Variants in OXSR1 observed in about 807,000 individuals in gnomAD.
OXSR1 encodes serine/threonine-protein kinase OSR1.
A neutral mutation model predicts 79.8 loss-of-function variants in OXSR1; 24 were observed. The ratio of observed to expected loss-of-function variants is 0.30; its 90% confidence interval spans 0.22 to 0.42. The LOEUF (loss-of-function observed/expected upper bound fraction) is 0.42. Among genes scored for constraint, OXSR1 ranks in the 10% least tolerant of loss-of-function variants. The probability of loss-of-function intolerance (pLI) is 1.00; values close to 1 mark genes in which losing one functional copy is unlikely to be tolerated. For synonymous variants in OXSR1, 226 were observed against 209.2 expected (o/e 1.08, Z -0.69); for missense variants, 430 against 618.4 (o/e 0.70, Z 3.23).
intron 12 of OXSR1, among the ~76,000 whole-genome samples, chr3:38,243,532 A>G (rs941790768): frequency 1.3e-5 from 2 of 152,126 alleles, no homozygotes; most frequent in Non-Finnish European, 2.9e-5. Context: ...GGAGAAAGAC[A>G]ATCATTTCTG....
At chr3:38,201,401 A>C (rs1366043232) in intron 4 of OXSR1, among the ~76,000 whole-genome samples, 1 of 151,234 alleles carries the variant, frequency 6.6e-6, no homozygotes, top group Non-Finnish European at 1.5e-5. Context: ...GTCTCTACAA[A>C]AAAATTTTTT....
chr3:38,202,249 G>A (rs1702178413), intron 4 of OXSR1, among the ~76,000 whole-genome samples: 1 of 152,204 alleles, frequency 6.6e-6, no homozygotes, highest in Non-Finnish European at 1.5e-5. Context: ...GTGAACTCAG[G>A]CAGGGATTGT....
chr3:38,230,333 G>A (rs905361349), intron 9 of OXSR1, 32 bp from the exon 10 acceptor site: 1 of 1,433,312 alleles, frequency 7.0e-7, no homozygotes, highest in African/African-American at 1.5e-5. Context: ...TTAAAAACTT[G>A]TAAGAACAAA....
intron 11 of OXSR1, 128 bp downstream of exon 11, chr3:38,237,089 C>A: frequency 2.7e-6 from 2 of 745,204 alleles, no homozygotes; most frequent in Non-Finnish European, 4.2e-6. Context: ...AATAGGAGCC[C>A]AGTTAATTCT....
intron 11 of OXSR1, among the ~76,000 whole-genome samples, chr3:38,240,579 ACCATTCC>A (rs1341132977): frequency 6.6e-6 from 1 of 152,170 alleles, no homozygotes; most frequent in East Asian, 1.9e-4. Context: ...GGTCTCTAAT[ACCATTCC>A]CCACTAAAGG....
chr3:38,229,156 A>T (rs1013677700), intron 8 of OXSR1, among the ~76,000 whole-genome samples: 5 of 152,122 alleles, frequency 3.3e-5, no homozygotes, highest in Non-Finnish European at 5.9e-5. Context: ...TGGGGAATAT[A>T]CTTTTAGAAT....
upstream of OXSR1, among the ~76,000 whole-genome samples, chr3:38,164,810 G>A (rs1701398383): frequency 1.3e-5 from 2 of 152,206 alleles, no homozygotes; most frequent in African/African-American, 4.8e-5. Flanking sequence ...GCCCAGTGCA[G>A]GGTGGACCCG....
chr3:38,205,514 G>T (rs923039274), intron 4 of OXSR1, among the ~76,000 whole-genome samples: 1 of 152,108 alleles, frequency 6.6e-6, no homozygotes, highest in African/African-American at 2.4e-5. Context: ...GAATAGCAGG[G>T]GCCTCTTTGT....
At chr3:38,189,911 A>T (rs1338925188) in intron 2 of OXSR1, among the ~76,000 whole-genome samples, 1 of 152,210 alleles carries the variant, frequency 6.6e-6, no homozygotes, top group Non-Finnish European at 1.5e-5. Flanking sequence ...ACAATGTACT[A>T]TCCAGTATTT....
intron 4 of OXSR1, among the ~76,000 whole-genome samples, chr3:38,205,118 C>G (rs965700084): frequency 1.3e-5 from 2 of 151,732 alleles, no homozygotes; most frequent in Non-Finnish European, 2.9e-5. Flanking sequence ...AATGCAAGCA[C>G]AGATTCTCTC....
chr3:38,167,696 G>A (rs1361563862), intron 1 of OXSR1, among the ~76,000 whole-genome samples: 1 of 152,162 alleles, frequency 6.6e-6, no homozygotes, highest in East Asian at 1.9e-4. Flanking sequence ...CACTTCATGG[G>A]CCTGTGTCCT....
intron 1 of OXSR1, 22 bp downstream of exon 1, chr3:38,165,968 G>A (rs375221906): frequency 3.4e-5 from 54 of 1,603,220 alleles, no homozygotes; most frequent in African/African-American, 2.0e-4. Flanking sequence ...CGCTGCGGAG[G>A]GGGGAGGCGC....
chr3:38,174,401 G>A (rs2125802327), intron 1 of OXSR1, among the ~76,000 whole-genome samples: 1 of 152,260 alleles, frequency 6.6e-6, no homozygotes, highest in Middle Eastern at 3.4e-3. Context: ...GGCCAACACG[G>A]TGAAACCCCA....
chr3:38,196,197 C>T (rs766317678), intron 3 of OXSR1, among the ~76,000 whole-genome samples: 55 of 152,142 alleles, frequency 3.6e-4, no homozygotes, highest in Non-Finnish European at 1.3e-4. Flanking sequence ...TATAACTTTC[C>T]CTCATTATTC....
At chr3:38,203,781 G>C (rs931931901) in intron 4 of OXSR1, among the ~76,000 whole-genome samples, 4 of 152,190 alleles carry the variant, frequency 2.6e-5, no homozygotes, top group African/African-American at 9.7e-5. Context: ...TCCTGGATCA[G>C]ACTTGAAGAC....
chr3:38,190,254 G>T (rs939906802), intron 2 of OXSR1, among the ~76,000 whole-genome samples: 1 of 151,812 alleles, frequency 6.6e-6, no homozygotes, highest in African/African-American at 2.4e-5. Flanking sequence ...AGTTTTTGAC[G>T]TTGTCCTGTT....
chr3:38,183,287 T>G (rs1575315177), intron 2 of OXSR1, among the ~76,000 whole-genome samples, 172 bp downstream of exon 2: 1 of 152,200 alleles, frequency 6.6e-6, no homozygotes, highest in Non-Finnish European at 1.5e-5. Flanking sequence ...AGAAAAAAAT[T>G]AGTTATAATA....
intron 4 of OXSR1, among the ~76,000 whole-genome samples, chr3:38,203,191 A>G (rs941611448): frequency 2.0e-5 from 3 of 152,216 alleles, no homozygotes; most frequent in African/African-American, 7.2e-5. Context: ...ACGCTGACGT[A>G]TGCTACTGTC....
chr3:38,209,167 T>C (rs777518879), intron 4 of OXSR1, among the ~76,000 whole-genome samples: 1 of 152,116 alleles, frequency 6.6e-6, no homozygotes, highest in Non-Finnish European at 1.5e-5. Context: ...TAGGGTTAAA[T>C]AGTTGATTTT....
Sources: gnomAD v4.1 joint callset for allele counts (sites outside exome capture counted in the v4.1 genomes callset) on GRCh38, gnomAD v4.1.1 for gene constraint, MANE v1.5 for transcripts, NCBI Gene and HGNC (gene_info 2026-07-23, HGNC 2026-07-21) for gene names.